The following SIPA1L1 variants were observed in gnomAD, a reference collection of about 807,000 sequenced individuals.
The protein encoded by SIPA1L1 is signal induced proliferation associated 1 like 1, also known as signal-induced proliferation-associated 1-like protein 1.
A neutral mutation model predicts 162.7 loss-of-function variants in SIPA1L1; 26 were observed. The ratio of observed to expected loss-of-function variants is 0.16; its 90% CI spans 0.12 to 0.22. SIPA1L1 has a LOEUF of 0.22. Among genes scored for constraint, SIPA1L1 ranks in the 10% least tolerant of loss-of-function variants. The pLI, the probability that SIPA1L1 is intolerant of heterozygous loss-of-function variation, is 1.00. For missense variants in SIPA1L1, 1,874 were observed against 2,241.0 expected (o/e 0.84, Z 3.31); for synonymous variants, 829 against 837.4 (o/e 0.99, Z 0.17).
chr14:71,633,868 C>T (rs2040846552), intron 7 of SIPA1L1, among the ~76,000 whole-genome samples: 1 of 152,002 alleles, frequency 6.6e-6, no homozygotes, highest in South Asian at 2.1e-4. Context: ...ACAATTGTGT[C>T]TTGGAAGAAG....
Position 71,356,567 on chromosome 14 carries a change from CAAAAAA to C in SIPA1L1, c.-465+35401_-465+35406del, listed in dbSNP as rs71105772. Among the ~76,000 whole-genome samples the C allele has an allele frequency of 1.9e-3, 76 of 39,162 alleles. 6 individuals carry two copies. The highest frequency in any genetic ancestry group is 6.4e-3 in the South Asian group (5 of 786). 25.7% of individuals were successfully genotyped at this position (39,162 alleles called of 152,430 possible). A position where few individuals can be genotyped will look rare whatever the true frequency, so the allele number is the denominator to read the frequency against. On this transcript the variant is annotated intron_variant, in intron 2 of 23. Coordinates refer to ENST00000381232, the MANE Select transcript of SIPA1L1 (RefSeq NM_001386936.1). The stretch of plus-strand genomic sequence containing the variant: ...GCAACATAGCAAGACCTTGTCTCTA[CAAAAAA>C]AAAAAAAAAAAAAAGCACACCTGTT...
intron 5 of SIPA1L1, among the ~76,000 whole-genome samples, chr14:71,613,877 G>A (rs1179005823): frequency 7.0e-6 from 1 of 143,622 alleles, no homozygotes; most frequent in African/African-American, 2.5e-5. Context: ...AAGGAAGGAG[G>A]AGACTGCAGT....
intron 2 of SIPA1L1, among the ~76,000 whole-genome samples, chr14:71,506,578 C>T (rs868011969): frequency 7.2e-5 from 11 of 151,864 alleles, no homozygotes; most frequent in Non-Finnish European, 1.2e-4. Context: ...TGACCTCAGG[C>T]GATCCACCCG....
At chr14:71,330,781 G>A (rs1057187882) in intron 2 of SIPA1L1, 126 of 738,616 alleles carry the variant, frequency 1.7e-4, no homozygotes, top group Middle Eastern at 3.8e-4. Flanking sequence ...CCAGTGGGCT[G>A]TCCCTGACGA....
chr14:71,486,952 A>G (rs1042108433), intron 2 of SIPA1L1, among the ~76,000 whole-genome samples: 1 of 152,200 alleles, frequency 6.6e-6, no homozygotes, highest in Non-Finnish European at 1.5e-5. Flanking sequence ...TCTTTCTCAC[A>G]GAGGCCCTTC....
Position 71,439,775 on chromosome 14 carries a change from T to G in SIPA1L1, c.-464-72968T>G, listed in dbSNP as rs116859854. Among the ~76,000 whole-genome samples the G allele has an allele frequency of 2.0e-5, 3 of 152,352 alleles. No homozygotes were observed. The East Asian group carries it at 5.8e-4, about 29-fold the overall frequency. Reference sequence around the variant, plus strand: ...CGTTTTCTTTTGATTTAAAAGATTTTTGTTGAATTCCTTGCCCAGATGTGA... The same window carrying G: ...CGTTTTCTTTTGATTTAAAAGATTTGTGTTGAATTCCTTGCCCAGATGTGA... On this transcript the variant is annotated intron_variant, in intron 2 of 23. Coordinates refer to ENST00000381232, the MANE Select transcript of SIPA1L1 (RefSeq NM_001386936.1).
intron 15 of SIPA1L1, among the ~76,000 whole-genome samples, chr14:71,702,952 A>T (rs916841860): frequency 6.6e-6 from 1 of 152,140 alleles, no homozygotes; most frequent in East Asian, 1.9e-4. Context: ...ATGTGCTTTT[A>T]AAAAAAATTC....
At chr14:71,546,376 CTTTTTTTTTTTT>C (rs11480749) in intron 4 of SIPA1L1, among the ~76,000 whole-genome samples, 6 of 116,932 alleles carry the variant, frequency 5.1e-5, no homozygotes, top group Non-Finnish European at 8.3e-5. Context: ...CTTTTTCTTT[CTTTTTTTTTTTT>C]TTTTTGAGAT....
intron 2 of SIPA1L1, among the ~76,000 whole-genome samples, chr14:71,504,641 G>GA (rs528611875): frequency 5.0e-4 from 76 of 152,114 alleles, no homozygotes; most frequent in Non-Finnish European, 9.6e-4. Flanking sequence ...TTTTAAAAAA[G>GA]AAAAAAATGC....
intron 2 of SIPA1L1, among the ~76,000 whole-genome samples, chr14:71,458,049 TATG>T (rs1205938716): frequency 1.3e-5 from 2 of 152,226 alleles, no homozygotes; most frequent in African/African-American, 4.8e-5. Context: ...AAGTTTTAAA[TATG>T]ATGAGATCTA....
intron 5 of SIPA1L1, among the ~76,000 whole-genome samples, chr14:71,594,943 G>C (rs912515842): frequency 1.3e-5 from 2 of 152,082 alleles, no homozygotes; most frequent in South Asian, 4.1e-4. Context: ...TAGGTATTGT[G>C]GTTTTGTGTG....
chr14:71,449,298 G>C (rs894828392), intron 2 of SIPA1L1, among the ~76,000 whole-genome samples: 2 of 152,228 alleles, frequency 1.3e-5, no homozygotes, highest in African/African-American at 4.8e-5. Flanking sequence ...TTTTAGTTCA[G>C]CTTTGTGTGG....
At chr14:71,512,042 A>G (rs562364150) in intron 2 of SIPA1L1, among the ~76,000 whole-genome samples, 6 of 152,278 alleles carry the variant, frequency 3.9e-5, no homozygotes, top group African/African-American at 1.2e-4. Flanking sequence ...GAGTCCTTCT[A>G]GGAAATTCTC....
chr14:71,573,454 A>G (rs778165422), intron 4 of SIPA1L1: 3 of 419,088 alleles, frequency 7.2e-6, no homozygotes, highest in South Asian at 5.1e-5. Context: ...GAGCATTCAC[A>G]GTGTGTCCTG....
At chr14:71,714,993 C>A (rs1445493241) in intron 17 of SIPA1L1, among the ~76,000 whole-genome samples, 1 of 152,194 alleles carries the variant, frequency 6.6e-6, no homozygotes, top group African/African-American at 2.4e-5. Flanking sequence ...GAATAAATGT[C>A]TTTTTATGAG....
At chr14:71,715,878 A>G (rs574651607) in intron 17 of SIPA1L1, among the ~76,000 whole-genome samples, 2 of 152,318 alleles carry the variant, frequency 1.3e-5, no homozygotes, top group African/African-American at 4.8e-5. Flanking sequence ...CACTCTTCTC[A>G]GCTATGCCCA....
chr14:71,620,210 C>G (rs1019833598), intron 6 of SIPA1L1, among the ~76,000 whole-genome samples: 5 of 152,180 alleles, frequency 3.3e-5, no homozygotes. Context: ...GCTGGGATTA[C>G]AGGCATGCGC....
intron 2 of SIPA1L1, among the ~76,000 whole-genome samples, chr14:71,495,591 G>T (rs1027937168): frequency 6.6e-6 from 1 of 151,532 alleles, no homozygotes; most frequent in Admixed American, 6.6e-5. Flanking sequence ...CCAGCTTTTG[G>T]TTTTATTGAC....
At chr14:71,674,864 G>A (rs1005469319) in intron 12 of SIPA1L1, among the ~76,000 whole-genome samples, 1 of 151,726 alleles carries the variant, frequency 6.6e-6, no homozygotes, top group African/African-American at 2.4e-5. Context: ...GCGCCCGGCC[G>A]CATTCCTGTT....
Sources: allele counts gnomAD v4.1 joint callset (sites outside exome capture counted in the v4.1 genomes callset), GRCh38; gene constraint gnomAD v4.1.1; transcripts MANE v1.5; gene names NCBI Gene and HGNC (gene_info 2026-07-23, HGNC 2026-07-21).